The following IL1RL2 variants were observed in gnomAD, a reference collection of about 807,000 sequenced individuals.
IL1RL2 encodes interleukin-1 receptor-like 2.
In IL1RL2, 68 loss-of-function variants were observed where a neutral mutation model predicts 66.8. The ratio of observed to expected loss-of-function variants is 1.02; its 90% CI spans 0.84 to 1.25. The LOEUF is 1.25. Among genes scored for constraint, IL1RL2 ranks in the 50% most tolerant of loss-of-function variants. The pLI, the probability that IL1RL2 is intolerant of heterozygous loss-of-function variation, is 0.00. For missense variants in IL1RL2, 729 were observed against 709.3 expected (o/e 1.03, Z -0.32); for synonymous variants, 305 against 264.6 (o/e 1.15, Z -1.48).
intron 9 of IL1RL2, among the ~76,000 whole-genome samples, chr2:102,228,890 C>T (rs534646427): frequency 2.8e-4 from 42 of 152,290 alleles, no homozygotes; most frequent in African/African-American, 9.6e-4. Context: ...TTTTCCCCCA[C>T]AGGGAGTCCT....
chr2:102,211,307 AAAG>A (rs1378297288), intron 5 of IL1RL2, among the ~76,000 whole-genome samples: 1 of 152,200 alleles, frequency 6.6e-6, no homozygotes, highest in Non-Finnish European at 1.5e-5. Context: ...ATGGGAGAGG[AAAG>A]AAGTAGAGAA....
chr2:102,191,025 G>T (rs777415596), intron 3 of IL1RL2, among the ~76,000 whole-genome samples: 1 of 152,042 alleles, frequency 6.6e-6, no homozygotes, highest in Non-Finnish European at 1.5e-5. Flanking sequence ...ATAGTATCAA[G>T]AACTTCCTTC....
At chr2:102,201,803 G>A (rs924738958) in intron 5 of IL1RL2, 88 bp downstream of exon 5, 37 of 1,297,018 alleles carry the variant, frequency 2.9e-5, no homozygotes, top group Non-Finnish European at 8.6e-6. Context: ...GCTTTGAGCA[G>A]GAGTGATTCT....
At position 102,194,360 on chromosome 2, in the gene IL1RL2, T is replaced by C. The variant is rs1347344508; in HGVS notation, c.489+2240T>C. Among the ~76,000 whole-genome samples the C allele has an allele frequency of 2.0e-5, 3 of 152,226 alleles. No homozygotes were observed. The East Asian group carries it at 5.8e-4, about 29-fold the overall frequency. ...TTTCATTATTATTATTGTTAGACTC[T>C]TGAGTCATTTCCAACTTCTGGGTCT... On this transcript the variant is annotated intron_variant, in intron 4 of 11. Coordinates refer to ENST00000264257, the MANE Select transcript of IL1RL2 (RefSeq NM_003854.4).
intron 11 of IL1RL2, among the ~76,000 whole-genome samples, chr2:102,238,299 C>T (rs773803924): frequency 7.2e-5 from 11 of 152,130 alleles, no homozygotes; most frequent in Admixed American, 2.6e-4. Flanking sequence ...TACCCTGAGT[C>T]GGCTCATGAG....
chr2:102,189,951 C>A (rs1383629118), intron 3 of IL1RL2, among the ~76,000 whole-genome samples: 2 of 152,156 alleles, frequency 1.3e-5, no homozygotes, highest in African/African-American at 4.8e-5. Flanking sequence ...CTAGCCCGGC[C>A]GCTGCCATCT....
At chr2:102,219,295 A>T (rs1224167390) in intron 7 of IL1RL2, among the ~76,000 whole-genome samples, 6 of 152,208 alleles carry the variant, frequency 3.9e-5, no homozygotes, top group Admixed American at 3.3e-4. Flanking sequence ...ACTCAAAATT[A>T]GTCCCATTTC....
At chr2:102,226,622 T>C (rs943589263) in intron 9 of IL1RL2, among the ~76,000 whole-genome samples, 3 of 148,952 alleles carry the variant, frequency 2.0e-5, no homozygotes, top group Non-Finnish European at 3.0e-5. Flanking sequence ...TAGAAAGGAA[T>C]AGAGGAAGGA....
In IL1RL2 at chr2:102,201,610, G is replaced by T. The variant is rs776128896; in HGVS notation, c.544G>T (p.Val182Leu). 2 of 1,614,104 alleles carry T rather than the reference G, an allele frequency of 1.2e-6. No homozygotes were observed. The highest frequency in any genetic ancestry group is 1.7e-6 in the Non-Finnish European group (2 of 1,179,988). ...RFTVLETRLLVSNVSAEDRGN... is the reference protein window; with the variant it reads ...RFTVLETRLLLSNVSAEDRGN... ...CACTGTTTTGGAAACCAGGCTTTTG[G>T]TGAGCAATGTCTCGGCAGAGGACAG... Residue 182 changes from valine (V) to leucine (L), a missense_variant, in exon 5 of 12, where the codon GTG becomes TTG. Coordinates refer to ENST00000264257, the MANE Select transcript of IL1RL2 (RefSeq NM_003854.4).
intron 6 of IL1RL2, among the ~76,000 whole-genome samples, chr2:102,215,687 C>A (rs2104816998): frequency 6.6e-6 from 1 of 152,228 alleles, no homozygotes; most frequent in Admixed American, 6.5e-5. Context: ...TAGCCCAGCA[C>A]CCTGCAAAGC....
chr2:102,221,342 G>A (rs752134875), intron 8 of IL1RL2, among the ~76,000 whole-genome samples: 1 of 152,038 alleles, frequency 6.6e-6, no homozygotes, highest in African/African-American at 2.4e-5. Context: ...TCCTGAGCAG[G>A]TGCAAACAGG....
intron 2 of IL1RL2, 103 bp downstream of exon 2, chr2:102,188,028 C>A: frequency 9.0e-7 from 1 of 1,112,976 alleles, no homozygotes; most frequent in Non-Finnish European, 1.4e-6. Context: ...AGCGCGGCTC[C>A]TTCCCCTCCC....
chr2:102,191,377 A>T (rs1687219318), intron 3 of IL1RL2, among the ~76,000 whole-genome samples: 1 of 152,174 alleles, frequency 6.6e-6, no homozygotes, highest in Non-Finnish European at 1.5e-5. Context: ...TTCTAATCTT[A>T]TCAATGATCT....
intron 11 of IL1RL2, 60 bp from the exon 12 acceptor site, chr2:102,239,132 T>G: frequency 6.6e-6 from 10 of 1,517,524 alleles, no homozygotes; most frequent in Non-Finnish European, 9.1e-6. Context: ...CAGGTTTCCT[T>G]ATCAGCCCCC....
chr2:102,229,356 C>A (rs756060970), intron 9 of IL1RL2, among the ~76,000 whole-genome samples: 8 of 152,162 alleles, frequency 5.3e-5, no homozygotes, highest in African/African-American at 7.2e-5. Context: ...CACAGCTGCA[C>A]AGGACTAATC....
At position 102,235,046 on chromosome 2, in the gene IL1RL2, G is replaced by A. The variant is rs772311533; in HGVS notation, c.1447G>A (p.Val483Ile). The A allele has an allele frequency of 6.2e-7, 1 of 1,614,182 alleles. No individual in the cohort carries two copies. The highest frequency in any genetic ancestry group is 8.5e-7 in the Non-Finnish European group (1 of 1,180,036). The part of the protein sequence containing the change: ...YSALIQDGMK[V>I]ILIELEKIED... ...TGCCCTGATCCAGGACGGGATGAAGGTTATTCTCATTGAGCTGGAGAAAAT... is the reference window on the plus strand; with the variant it reads ...TGCCCTGATCCAGGACGGGATGAAGATTATTCTCATTGAGCTGGAGAAAAT... The change falls in exon 11 of 12, where the codon GTT (valine) becomes ATT (isoleucine). Residue 483 changes from valine to isoleucine, a missense_variant. By Grantham distance (29) the Val-to-Ile change is conservative (BLOSUM62 3). Transcript: ENST00000264257.
At chr2:102,219,692 C>G (rs1689928075) in intron 7 of IL1RL2, among the ~76,000 whole-genome samples, 189 bp from the exon 8 acceptor site, 1 of 152,110 alleles carries the variant, frequency 6.6e-6, no homozygotes, top group Admixed American at 6.6e-5. Flanking sequence ...TGTCACCATG[C>G]AGAAGAAAAT....
chr2:102,201,738 G>A, intron 5 of IL1RL2, 23 bp downstream of exon 5: 3 of 1,605,786 alleles, frequency 1.9e-6, no homozygotes, highest in Non-Finnish European at 2.6e-6. Flanking sequence ...ATGTATGCCT[G>A]TCGCCTTGTA....
chr2:102,212,004 G>T, intron 5 of IL1RL2, 96 bp from the exon 6 acceptor site: 1 of 753,634 alleles, frequency 1.3e-6, no homozygotes, highest in Non-Finnish European at 2.3e-6. Context: ...GCTTATTGAT[G>T]GTCTGCTCTG....
Sources: allele counts gnomAD v4.1 joint callset (sites outside exome capture counted in the v4.1 genomes callset), GRCh38; gene constraint gnomAD v4.1.1; transcripts MANE v1.5; gene names NCBI Gene and HGNC (gene_info 2026-07-23, HGNC 2026-07-21).